Variants in EDARADD observed in about 807,000 individuals in gnomAD.
EDARADD encodes ectodysplasin-A receptor-associated adapter protein.
Under a neutral mutation model 25.6 loss-of-function variants are expected in EDARADD, and 20 were observed. The observed-to-expected ratio is 0.78, with a 90% CI of 0.55 to 1.14. EDARADD has a LOEUF of 1.14. EDARADD is among the 50% of genes most tolerant of loss of function. The pLI is 0.00. For synonymous variants in EDARADD, 86 were observed against 94.4 expected (o/e 0.91, Z 0.52); for missense variants, 225 against 270.1 (o/e 0.83, Z 1.17).
At chr1:236,408,488 G>A (rs1220532095) in intron 1 of EDARADD, among the ~76,000 whole-genome samples, 4 of 152,024 alleles carry the variant, frequency 2.6e-5, no homozygotes, top group Non-Finnish European at 5.9e-5. Flanking sequence ...ACAGGCGTGA[G>A]CCACTGCGTC....
rs1162538231 is a variant in EDARADD, at chr1:236,358,155, G to A, written c.-6+7316G>A. On this transcript the variant is annotated intron_variant, in intron 3 of 7. Coordinates refer to the EDARADD transcript ENST00000439430. ...CAAAGTGCTAGGATTACAGGCACGAGCCACTGCACCTGGCCACAAGGAAAG... is the reference window on the plus strand; with the variant it reads ...CAAAGTGCTAGGATTACAGGCACGAACCACTGCACCTGGCCACAAGGAAAG... Among the ~76,000 whole-genome samples, 4 of 152,202 alleles carry A rather than the reference G, an allele frequency of 2.6e-5. No individual in the cohort carries two copies. In the East Asian group the frequency reaches 5.8e-4, roughly 22 times the overall value.
chr1:236,447,170 C>CTTTCTTTCTT (rs1491458683), intron 4 of EDARADD, among the ~76,000 whole-genome samples: 12 of 93,706 alleles, frequency 1.3e-4, no homozygotes, highest in African/African-American at 5.1e-4. Flanking sequence ...CCCTCCCTCC[C>CTTTCTTTCTT]TCTTTCTTTC....
At chr1:236,381,810 T>TTTTTTG (rs1255572705) in intron 3 of EDARADD, among the ~76,000 whole-genome samples, 1 of 131,728 alleles carries the variant, frequency 7.6e-6, no homozygotes, top group African/African-American at 2.8e-5. Flanking sequence ...GCTTTTTTTT[T>TTTTTTG]TTTTTTTTTT....
intron 3 of EDARADD, among the ~76,000 whole-genome samples, chr1:236,374,505 G>T (rs1345515276): frequency 6.6e-6 from 1 of 152,064 alleles, no homozygotes; most frequent in Non-Finnish European, 1.5e-5. Flanking sequence ...CTGGGCTCGA[G>T]CTATTTCCAA....
At chr1:236,421,804 A>G (rs1454039703) in intron 3 of EDARADD, among the ~76,000 whole-genome samples, 1 of 152,000 alleles carries the variant, frequency 6.6e-6, no homozygotes, top group African/African-American at 2.4e-5. Flanking sequence ...TCCCAGTTCT[A>G]CCAATGTCAA....
chr1:236,433,250 G>GCATATA (rs994792410), intron 4 of EDARADD, among the ~76,000 whole-genome samples: 23 of 151,734 alleles, frequency 1.5e-4, no homozygotes, highest in African/African-American at 5.6e-4. Context: ...ATTTTTGTAT[G>GCATATA]CATAATTATA....
Position 236,484,013 on chromosome 1 carries a change from C to A in EDARADD, c.*1364C>A. 1 of 1,470,504 alleles carries A rather than the reference C, an allele frequency of 6.8e-7. No homozygotes were observed. The allele number at this position is 1,470,504 out of a possible 1,614,324, so 91.1% of individuals were successfully genotyped here. A position where few individuals can be genotyped will look rare whatever the true frequency, so the allele number is the denominator to read the frequency against. On this transcript the variant is annotated 3_prime_UTR_variant, in exon 6 of 6. Transcript: ENST00000334232. The surrounding 1 kb of genome is among the most constrained non-coding windows in gnomAD (Gnocchi z 4.1). The stretch of plus-strand genomic sequence containing the variant: ...GTCTGGCTGACCTGTACAAGTCCTT[C>A]ATCAAAAACTACCCAGTGGTGTCTA...
chr1:236,405,790 T>TTTCTTTCTTTC (rs750188716), intron 1 of EDARADD, among the ~76,000 whole-genome samples: 1,414 of 49,208 alleles, frequency 0.029, 49 homozygotes, highest in Middle Eastern at 0.043. Flanking sequence ...TCTTTCTTTC[T>TTTCTTTCTTTC]TTTCTTTTTC....
intron 4 of EDARADD, among the ~76,000 whole-genome samples, chr1:236,428,938 C>G (rs74794888): frequency 8.6e-5 from 13 of 151,610 alleles, no homozygotes; most frequent in Non-Finnish European, 1.5e-4. Flanking sequence ...GCTGGAGACA[C>G]GCCCGGCCAA....
intron 3 of EDARADD, among the ~76,000 whole-genome samples, chr1:236,379,120 A>G (rs1238519284): frequency 6.6e-6 from 1 of 152,220 alleles, no homozygotes; most frequent in African/African-American, 2.4e-5. Context: ...CTGTAATCCC[A>G]GCACTTTGAG....
At chr1:236,408,221 G>A (rs1667772365) in intron 1 of EDARADD, among the ~76,000 whole-genome samples, 1 of 151,756 alleles carries the variant, frequency 6.6e-6, no homozygotes, top group African/African-American at 2.4e-5. Context: ...TTATTTTTTT[G>A]AGATGGAGTT....
At chr1:236,481,841 C>T (rs552335824) in intron 5 of EDARADD, among the ~76,000 whole-genome samples, 7 of 150,430 alleles carry the variant, frequency 4.7e-5, no homozygotes, top group Admixed American at 2.0e-4. Context: ...AGGCCAGGCA[C>T]GGTGGCTCAT....
chr1:236,350,904 A>G (rs556818406), intron 3 of EDARADD: 1 of 152,328 alleles, frequency 6.6e-6, no homozygotes, highest in South Asian at 2.1e-4. Context: ...TGTGATACAA[A>G]GAATAATGTA....
chr1:236,482,127 AAAAAG>A, intron 5 of EDARADD, 135 bp from the exon 6 acceptor site: 2 of 1,077,562 alleles, frequency 1.9e-6, no homozygotes, highest in African/African-American at 1.6e-5. Flanking sequence ...AAAAAAAAAA[AAAAAG>A]AAAGAAACGA....
chr1:236,478,381 G>GTGTGTGTGTGTA (rs914931296), intron 5 of EDARADD, among the ~76,000 whole-genome samples: 10 of 145,786 alleles, frequency 6.9e-5, no homozygotes, highest in African/African-American at 2.5e-4. Flanking sequence ...GTGTGTGTGT[G>GTGTGTGTGTGTA]TGTGTATGGA....
At chr1:236,476,107 G>T (rs1056670882) in intron 5 of EDARADD, among the ~76,000 whole-genome samples, 1 of 152,048 alleles carries the variant, frequency 6.6e-6, no homozygotes, top group African/African-American at 2.4e-5. Context: ...CAGGAGAATC[G>T]CTGGAACCTG....
chr1:236,484,522 CT>C lies in EDARADD; in HGVS notation c.*1875del, dbSNP rs770456483. 1.4e-6 allele frequency: 2 copies of C among 1,425,844 alleles called. No individual in the cohort carries two copies. The highest frequency in any genetic ancestry group is 3.4e-5 in the Admixed American group (2 of 58,334). 88.3% of individuals were successfully genotyped at this position (1,425,844 alleles called of 1,614,324 possible). A position where few individuals can be genotyped will look rare whatever the true frequency, so the allele number is the denominator to read the frequency against. On this transcript the variant is annotated 3_prime_UTR_variant, in exon 6 of 6. Transcript: ENST00000334232. This position sits in a 1 kb window ranked among gnomAD's most constrained non-coding sequence, Gnocchi z 4.1. ...CCTGGTGGCTAATTAGACCCCTCCC[CT>C]TGTGTCAACTCCGGCAGCTCAAGAC...
intron 3 of EDARADD, among the ~76,000 whole-genome samples, chr1:236,385,781 C>A: frequency 6.6e-6 from 1 of 151,706 alleles, no homozygotes; most frequent in Admixed American, 6.6e-5. Context: ...CTCTTGTATT[C>A]TCTCTTAATA....
intron 4 of EDARADD, among the ~76,000 whole-genome samples, chr1:236,466,246 G>A (rs1659182599): frequency 6.6e-6 from 1 of 152,178 alleles, no homozygotes; most frequent in Non-Finnish European, 1.5e-5. Flanking sequence ...ATGCAAACAG[G>A]CGGGTCTCCA....
Sources: gnomAD v4.1 joint callset for allele counts (sites outside exome capture counted in the v4.1 genomes callset) on GRCh38, gnomAD v4.1.1 for gene constraint, Gnocchi (gnomAD v3.1) non-coding constraint, MANE v1.5 for transcripts, NCBI Gene and HGNC (gene_info 2026-07-23, HGNC 2026-07-21) for gene names.